Variants in RCAN2 observed in about 807,000 individuals in gnomAD.
The protein encoded by RCAN2 is regulator of calcineurin 2, also known as calcipressin-2.
A neutral mutation model predicts 23.6 loss-of-function variants in RCAN2; 9 were observed. The ratio of observed to expected loss-of-function variants is 0.38; its 90% CI spans 0.23 to 0.67. The LOEUF is 0.67. Ranked by LOEUF, RCAN2 falls within the 30% of genes least tolerant of loss-of-function variation. The pLI, the probability that RCAN2 is intolerant of heterozygous loss-of-function variation, is 0.51. For synonymous variants in RCAN2, 109 were observed against 115.7 expected (o/e 0.94, Z 0.37); for missense variants, 273 against 302.3 (o/e 0.90, Z 0.72).
At chr6:46,255,190 C>T (rs756194093) in intron 2 of RCAN2, among the ~76,000 whole-genome samples, 16 of 152,024 alleles carry the variant, frequency 1.1e-4, no homozygotes, top group Non-Finnish European at 1.9e-4. Flanking sequence ...CCATTTCCCC[C>T]CAGGAGAGGA....
rs557612764 is a variant in RCAN2, at chr6:46,267,423, A to C, written c.226-18527T>G. Among the ~76,000 whole-genome samples, 5 of 152,318 alleles carry C rather than the reference A, an allele frequency of 3.3e-5. No homozygotes were observed. The South Asian group carries it at 1.0e-3, about 32-fold the overall frequency. On this transcript the variant is annotated intron_variant, in intron 2 of 4. Transcript: ENST00000371374. ...AGGGTCGGTATGGTGGTTCACGCCT[A>C]TAATCCCAGCACTCTGGGAGGCCAA...
At chr6:46,467,748 T>C (rs1475841532) in intron 1 of RCAN2, among the ~76,000 whole-genome samples, 1 of 152,252 alleles carries the variant, frequency 6.6e-6, no homozygotes, top group Non-Finnish European at 1.5e-5. Flanking sequence ...ATGTTACACA[T>C]CTTACCATTC....
chr6:46,318,321 A>C (rs1763507697), intron 2 of RCAN2, among the ~76,000 whole-genome samples: 1 of 152,224 alleles, frequency 6.6e-6, no homozygotes, highest in Admixed American at 6.5e-5. Flanking sequence ...TACATAGTCC[A>C]ATCTAACAGA....
intron 2 of RCAN2, among the ~76,000 whole-genome samples, chr6:46,377,460 C>T (rs892941804): frequency 2.0e-5 from 3 of 152,182 alleles, no homozygotes; most frequent in East Asian, 1.9e-4. Context: ...AGCTGTGAAA[C>T]GTAGCCCCAA....
chr6:46,313,132 G>C (rs915881759), intron 2 of RCAN2, among the ~76,000 whole-genome samples: 2 of 152,028 alleles, frequency 1.3e-5, no homozygotes, highest in African/African-American at 4.8e-5. Flanking sequence ...CCTTCACCTG[G>C]CAAATTCCTA....
At chr6:46,383,048 A>G (rs962205405) in intron 2 of RCAN2, among the ~76,000 whole-genome samples, 1 of 152,206 alleles carries the variant, frequency 6.6e-6, no homozygotes, top group African/African-American at 2.4e-5. Context: ...GTCTAGTAGG[A>G]GAGACAAATG....
At chr6:46,367,023 A>T (rs1211949035) in intron 2 of RCAN2, among the ~76,000 whole-genome samples, 1 of 36,980 alleles carries the variant, frequency 2.7e-5, no homozygotes, top group Non-Finnish European at 4.5e-5. Context: ...TCTGGGATGG[A>T]TATATATATA....
intron 2 of RCAN2, among the ~76,000 whole-genome samples, chr6:46,327,193 G>A (rs1484035686): frequency 6.6e-6 from 1 of 152,184 alleles, no homozygotes; most frequent in Non-Finnish European, 1.5e-5. Flanking sequence ...AGGCAGGGAT[G>A]GTGATGGCTG....
At chr6:46,341,345 G>A (rs1016876025) in intron 2 of RCAN2, among the ~76,000 whole-genome samples, 1 of 152,078 alleles carries the variant, frequency 6.6e-6, no homozygotes, top group African/African-American at 2.4e-5. Context: ...TGAAGAAGAA[G>A]AATTGTCTTG....
chr6:46,241,880 A>T (rs1176620424), intron 4 of RCAN2, among the ~76,000 whole-genome samples: 1 of 152,226 alleles, frequency 6.6e-6, no homozygotes, highest in Admixed American at 6.5e-5. Context: ...CATAGTAAGT[A>T]ATTTATCTTC....
chr6:46,334,179 T>A (rs182402753), intron 2 of RCAN2, among the ~76,000 whole-genome samples: 1 of 152,294 alleles, frequency 6.6e-6, no homozygotes, highest in African/African-American at 2.4e-5. Context: ...CCTTTCACTA[T>A]CTCCTTAGCC....
chr6:46,287,525 A>G (rs1486536236), intron 2 of RCAN2, among the ~76,000 whole-genome samples: 2 of 152,216 alleles, frequency 1.3e-5, no homozygotes, highest in Non-Finnish European at 2.9e-5. Flanking sequence ...ATTTCACTAA[A>G]CGAATTTCTC....
intron 1 of RCAN2, among the ~76,000 whole-genome samples, chr6:46,477,354 T>C (rs1389825381): frequency 2.0e-5 from 3 of 152,174 alleles, no homozygotes; most frequent in African/African-American, 7.2e-5. Context: ...ATGATAAAAT[T>C]GAGTCTAACA....
intron 2 of RCAN2, among the ~76,000 whole-genome samples, chr6:46,307,287 G>A (rs952693818): frequency 6.6e-6 from 1 of 152,150 alleles, no homozygotes; most frequent in African/African-American, 2.4e-5. Context: ...AACACAGTAA[G>A]CGCAATGTTC....
chr6:46,265,532 A>T (rs1218508792), intron 2 of RCAN2, among the ~76,000 whole-genome samples: 2 of 152,160 alleles, frequency 1.3e-5, no homozygotes, highest in Non-Finnish European at 2.9e-5. Flanking sequence ...GAGGGGTGCT[A>T]TTAATTATGC....
At chr6:46,265,021 G>A (rs575600207) in intron 2 of RCAN2, among the ~76,000 whole-genome samples, 6 of 152,174 alleles carry the variant, frequency 3.9e-5, no homozygotes, top group Admixed American at 1.3e-4. Flanking sequence ...AGGGAAGCTG[G>A]GTCGATATGG....
chr6:46,435,206 G>A (rs1432480024), intron 2 of RCAN2, among the ~76,000 whole-genome samples: 2 of 152,036 alleles, frequency 1.3e-5, no homozygotes, highest in African/African-American at 4.8e-5. Flanking sequence ...TGATTATATA[G>A]GATTCCCTAA....
chr6:46,292,438 GTT>G (rs374258081), intron 2 of RCAN2, among the ~76,000 whole-genome samples: 5 of 134,022 alleles, frequency 3.7e-5, no homozygotes, highest in African/African-American at 1.1e-4. Context: ...TTTTTTTTTT[GTT>G]TTTTTTTTTG....
At chr6:46,353,284 A>G (rs1764718495) in intron 2 of RCAN2, among the ~76,000 whole-genome samples, 1 of 152,104 alleles carries the variant, frequency 6.6e-6, no homozygotes, top group Non-Finnish European at 1.5e-5. Flanking sequence ...AGGTACAACA[A>G]TTGCAAATGG....
Sources: allele counts gnomAD v4.1 joint callset (sites outside exome capture counted in the v4.1 genomes callset), GRCh38; gene constraint gnomAD v4.1.1; transcripts MANE v1.5; gene names NCBI Gene and HGNC (gene_info 2026-07-23, HGNC 2026-07-21).